ROBO2: variants seen among roughly 807,000 people sequenced by gnomAD.
ROBO2 encodes the protein roundabout homolog 2.
In ROBO2, 53 loss-of-function variants were observed where a neutral mutation model predicts 160.8. The observed-to-expected ratio is 0.33, with a 90% CI of 0.26 to 0.41. ROBO2 has a LOEUF of 0.41. Ranked by LOEUF, ROBO2 falls within the 10% of genes least tolerant of loss-of-function variation. The probability of loss-of-function intolerance (pLI) is 1.00; values close to 1 mark genes in which losing one functional copy is unlikely to be tolerated. For missense variants in ROBO2, 1,577 were observed against 1,722.4 expected (o/e 0.92, Z 1.49); for synonymous variants, 664 against 611.7 (o/e 1.09, Z -1.26).
intron 2 of ROBO2, among the ~76,000 whole-genome samples, chr3:77,467,464 G>A (rs1021953654): frequency 8.5e-5 from 13 of 152,174 alleles, no homozygotes; most frequent in Middle Eastern, 3.4e-3. Flanking sequence ...CTGAAGACCC[G>A]AGGCCCATGG....
chr3:76,951,099 C>T (rs939253920), intron 2 of ROBO2, among the ~76,000 whole-genome samples: 4 of 152,114 alleles, frequency 2.6e-5, no homozygotes, highest in African/African-American at 9.7e-5. Context: ...TTTCATAATA[C>T]AATTTTCATC....
intron 2 of ROBO2, among the ~76,000 whole-genome samples, chr3:77,428,692 T>A (rs944770028): frequency 5.3e-5 from 8 of 152,178 alleles, no homozygotes; most frequent in Non-Finnish European, 1.2e-4. Flanking sequence ...TGGATGCTTG[T>A]AGAATGGTGC....
intron 2 of ROBO2, among the ~76,000 whole-genome samples, chr3:76,107,087 A>G (rs1171163245): frequency 6.6e-6 from 1 of 152,162 alleles, no homozygotes; most frequent in Non-Finnish European, 1.5e-5. Flanking sequence ...TCACATTTGT[A>G]TAGCTTTCAA....
chr3:77,078,390 G>A (rs912911935), intron 1 of ROBO2, among the ~76,000 whole-genome samples: 1 of 152,152 alleles, frequency 6.6e-6, no homozygotes, highest in African/African-American at 2.4e-5. Context: ...ATAACAGGGG[G>A]TAGGAGATAT....
chr3:76,876,747 C>T (rs1029078291), intron 2 of ROBO2, among the ~76,000 whole-genome samples: 1 of 151,784 alleles, frequency 6.6e-6, no homozygotes. Flanking sequence ...ACAGGGTTTA[C>T]ATACTATTGC....
intron 2 of ROBO2, among the ~76,000 whole-genome samples, chr3:76,249,568 A>G (rs554439788): frequency 6.6e-6 from 1 of 152,276 alleles, no homozygotes; most frequent in South Asian, 2.1e-4. Context: ...TTCTGTTGCA[A>G]GCAACTAAGT....
At chr3:76,506,386 A>G (rs1176100277) in intron 2 of ROBO2, among the ~76,000 whole-genome samples, 1 of 152,086 alleles carries the variant, frequency 6.6e-6, no homozygotes, top group Non-Finnish European at 1.5e-5. Context: ...AGTGGCACCA[A>G]TGTTCCAGCT....
chr3:77,012,824 A>G (rs995241661), intron 2 of ROBO2, among the ~76,000 whole-genome samples: 2 of 152,212 alleles, frequency 1.3e-5, no homozygotes, highest in African/African-American at 4.8e-5. Flanking sequence ...CTGGTGATCA[A>G]CTGTTGTGAA....
At chr3:77,336,555 T>C (rs1239433050) in intron 2 of ROBO2, among the ~76,000 whole-genome samples, 1 of 152,050 alleles carries the variant, frequency 6.6e-6, no homozygotes, top group Non-Finnish European at 1.5e-5. Context: ...GATGATCCTT[T>C]CAATAGTAGT....
intron 2 of ROBO2, among the ~76,000 whole-genome samples, chr3:77,404,675 G>A (rs1240919242): frequency 6.6e-6 from 1 of 152,118 alleles, no homozygotes; most frequent in Non-Finnish European, 1.5e-5. Flanking sequence ...ATGGGGGATA[G>A]GGGAACTTAC....
chr3:76,888,408 A>G (rs981263642), intron 2 of ROBO2, among the ~76,000 whole-genome samples: 1 of 151,444 alleles, frequency 6.6e-6, no homozygotes, highest in African/African-American at 2.5e-5. Context: ...TTAAGTGTTG[A>G]TGGTGAACAT....
chr3:76,682,347 T>G (rs1380169607), intron 2 of ROBO2, among the ~76,000 whole-genome samples: 3 of 152,138 alleles, frequency 2.0e-5, no homozygotes, highest in Non-Finnish European at 2.9e-5. Flanking sequence ...GGAAGATAAT[T>G]CGTGGAAAGT....
At chr3:76,538,601 T>C (rs2082645579) in intron 2 of ROBO2, among the ~76,000 whole-genome samples, 1 of 152,190 alleles carries the variant, frequency 6.6e-6, no homozygotes, top group African/African-American at 2.4e-5. Context: ...CAAATTTATT[T>C]TAGAACTGGG....
At chr3:76,667,745 T>G (rs1459366222) in intron 2 of ROBO2, among the ~76,000 whole-genome samples, 1 of 152,152 alleles carries the variant, frequency 6.6e-6, no homozygotes, top group Non-Finnish European at 1.5e-5. Context: ...TTAAACTATA[T>G]GTTCCCCATT....
intron 2 of ROBO2, among the ~76,000 whole-genome samples, chr3:76,270,030 A>G (rs1226843155): frequency 3.3e-5 from 5 of 152,072 alleles, no homozygotes; most frequent in Non-Finnish European, 7.4e-5. Context: ...TGGATTTTAT[A>G]CAATCTCTTT....
At chr3:76,656,095 A>G (rs544281113) in intron 2 of ROBO2, among the ~76,000 whole-genome samples, 2 of 152,288 alleles carry the variant, frequency 1.3e-5, no homozygotes, top group South Asian at 4.1e-4. Context: ...AACAGCCAAG[A>G]GCAAACAGTA....
At chr3:76,673,369 G>T (rs1320294635) in intron 2 of ROBO2, among the ~76,000 whole-genome samples, 1 of 152,138 alleles carries the variant, frequency 6.6e-6, no homozygotes, top group Non-Finnish European at 1.5e-5. Context: ...TGGCCAGGCA[G>T]TGGTGGGTTG....
chr3:76,075,376 A>G (rs1175613516), intron 2 of ROBO2, among the ~76,000 whole-genome samples: 1 of 151,932 alleles, frequency 6.6e-6, no homozygotes, highest in Admixed American at 6.6e-5. Context: ...ATCTTTCCAC[A>G]TCTGGGAGTT....
At chr3:77,476,366 G>GTA (rs1216017936) in intron 2 of ROBO2, among the ~76,000 whole-genome samples, 81 of 110,234 alleles carry the variant, frequency 7.3e-4, no homozygotes, top group African/African-American at 3.0e-3. Flanking sequence ...GTGTCTGTGG[G>GTA]TATGTGTGTG....
Sources: allele counts gnomAD v4.1 joint callset (sites outside exome capture counted in the v4.1 genomes callset), GRCh38; gene constraint gnomAD v4.1.1; transcripts MANE v1.5; gene names NCBI Gene and HGNC (gene_info 2026-07-23, HGNC 2026-07-21).